The following R3HCC1L variants were observed in gnomAD, a reference collection of about 807,000 sequenced individuals.
R3HCC1L encodes the protein R3H domain and coiled-coil containing 1 like, also known as coiled-coil domain-containing protein R3HCC1L.
Under a neutral mutation model 59.9 loss-of-function variants are expected in R3HCC1L, and 51 were observed. The ratio of observed to expected loss-of-function variants is 0.85; its 90% CI spans 0.68 to 1.07. The LOEUF (loss-of-function observed/expected upper bound fraction) is 1.07, where lower values mean the gene tolerates loss of function less well. R3HCC1L is among the 50% of genes least tolerant of loss of function. R3HCC1L has a pLI of 0.00. For missense variants in R3HCC1L, 965 were observed against 933.0 expected (o/e 1.03, Z -0.45); for synonymous variants, 322 against 315.2 (o/e 1.02, Z -0.23).
intron 9 of R3HCC1L, among the ~76,000 whole-genome samples, chr10:98,241,084 A>G (rs1471317762): frequency 6.6e-6 from 1 of 152,146 alleles, no homozygotes; most frequent in Non-Finnish European, 1.5e-5. Flanking sequence ...GATCATATAA[A>G]TATTTAGTAA....
chr10:98,152,017 G>A (rs1429958779), intron 1 of R3HCC1L, among the ~76,000 whole-genome samples: 1 of 152,148 alleles, frequency 6.6e-6, no homozygotes, highest in Non-Finnish European at 1.5e-5. Context: ...AAGCTGGACT[G>A]TACTGCTGCC....
chr10:98,186,189 G>A (rs906687666), intron 4 of R3HCC1L, among the ~76,000 whole-genome samples: 23 of 152,154 alleles, frequency 1.5e-4, no homozygotes, highest in African/African-American at 5.5e-4. Context: ...TGAGGCCGTG[G>A]AGGTAAGTCA....
chr10:98,160,085 A>G (rs1404283286), intron 2 of R3HCC1L, among the ~76,000 whole-genome samples: 1 of 152,250 alleles, frequency 6.6e-6, no homozygotes, highest in Non-Finnish European at 1.5e-5. Context: ...TCTGTTTTCC[A>G]ACAATGAGAA....
intron 4 of R3HCC1L, among the ~76,000 whole-genome samples, chr10:98,198,878 T>C (rs1007499700): frequency 3.3e-5 from 5 of 152,138 alleles, no homozygotes; most frequent in African/African-American, 1.2e-4. Context: ...TAGAATTATT[T>C]AATGTGGACC....
chr10:98,230,134 T>G (rs374782082), intron 5 of R3HCC1L, among the ~76,000 whole-genome samples: 2 of 152,234 alleles, frequency 1.3e-5, no homozygotes, highest in Admixed American at 6.5e-5. Flanking sequence ...TTCTATTGAT[T>G]GGAATAGTTT....
At chr10:98,186,509 C>G in intron 4 of R3HCC1L, 2 of 983,542 alleles carry the variant, frequency 2.0e-6, no homozygotes, top group Non-Finnish European at 2.4e-6. Context: ...TTACATAAAC[C>G]TTTAGAACTT....
At chr10:98,191,471 C>G (rs1850837986) in intron 4 of R3HCC1L, among the ~76,000 whole-genome samples, 1 of 144,524 alleles carries the variant, frequency 6.9e-6, no homozygotes, top group Admixed American at 6.9e-5. Context: ...AGTGTCTGTT[C>G]ATATCCTTTG....
At chr10:98,161,956 T>C (rs1407522959) in intron 2 of R3HCC1L, among the ~76,000 whole-genome samples, 2 of 152,204 alleles carry the variant, frequency 1.3e-5, no homozygotes, top group African/African-American at 4.8e-5. Context: ...TAAATTAACA[T>C]GGAAGACTGA....
At chr10:98,148,433 GT>G (rs1442539137) in intron 1 of R3HCC1L, among the ~76,000 whole-genome samples, 1 of 152,120 alleles carries the variant, frequency 6.6e-6, no homozygotes, top group African/African-American at 2.4e-5. Context: ...TTGAATAAAA[GT>G]GGTAAATGTG....
At chr10:98,212,068 T>A (rs1348423371) in intron 5 of R3HCC1L, among the ~76,000 whole-genome samples, 1 of 152,062 alleles carries the variant, frequency 6.6e-6, no homozygotes, top group Non-Finnish European at 1.5e-5. Flanking sequence ...AGGGTCTGTG[T>A]TGAGGAATGA....
intron 4 of R3HCC1L, among the ~76,000 whole-genome samples, chr10:98,169,753 GA>G: frequency 6.6e-6 from 1 of 152,324 alleles, no homozygotes; most frequent in East Asian, 1.9e-4. Context: ...CTTTGCAAAT[GA>G]GTGTACAAAA....
At position 98,209,866 on chromosome 10, in the gene R3HCC1L, T is replaced by C. The variant is rs748105565; in HGVS notation, c.1752T>C (p.Asp584=). Residue 584 remains aspartate (D), a synonymous_variant, in exon 5 of 10, where the codon GAT becomes GAC. Coordinates refer to ENST00000298999, the MANE Select transcript of R3HCC1L (RefSeq NM_001351015.2). ...GCTGGGAGTCTATGTTTAACGATGATGGTGACTGCCTGGATCCACGTCTTC... is the reference window on the plus strand; with the variant it reads ...GCTGGGAGTCTATGTTTAACGATGACGGTGACTGCCTGGATCCACGTCTTC... The part of the protein sequence containing the change: ...EESWESMFND[D]GDCLDPRLLQ... The C allele has an allele frequency of 8.7e-6, 14 of 1,613,292 alleles. No homozygotes were observed. Among genetic ancestry groups the C allele is most frequent in the Non-Finnish European group, 1.2e-5 (14 of 1,179,498 alleles).
At chr10:98,188,965 A>G (rs1385737292) in intron 4 of R3HCC1L, among the ~76,000 whole-genome samples, 1 of 152,188 alleles carries the variant, frequency 6.6e-6, no homozygotes, top group Non-Finnish European at 1.5e-5. Context: ...AAATGTTACT[A>G]TTTTGAACAT....
intron 2 of R3HCC1L, among the ~76,000 whole-genome samples, chr10:98,159,981 CTT>C (rs995625406): frequency 6.6e-6 from 1 of 152,192 alleles, no homozygotes; most frequent in Non-Finnish European, 1.5e-5. Context: ...ACTAGTACAT[CTT>C]TATTAAAAGC....
intron 1 of R3HCC1L, among the ~76,000 whole-genome samples, chr10:98,153,240 G>T (rs1220636010): frequency 6.6e-6 from 1 of 152,174 alleles, no homozygotes; most frequent in Non-Finnish European, 1.5e-5. Flanking sequence ...AAGTAGACAT[G>T]GGAGACTTCA....
intron 1 of R3HCC1L, among the ~76,000 whole-genome samples, chr10:98,135,887 A>C (rs1844525729): frequency 6.6e-6 from 1 of 152,226 alleles, no homozygotes; most frequent in Non-Finnish European, 1.5e-5. Context: ...CTTGTGTCAC[A>C]GTTGAAATTC....
At chr10:98,135,965 G>A (rs577029384) in intron 1 of R3HCC1L, among the ~76,000 whole-genome samples, 142 of 150,442 alleles carry the variant, frequency 9.4e-4, no homozygotes, top group Non-Finnish European at 1.8e-3. Flanking sequence ...GACTAAGCAA[G>A]TTGCTTATTG....
chr10:98,200,421 A>T (rs898589578), intron 4 of R3HCC1L, among the ~76,000 whole-genome samples: 1 of 152,134 alleles, frequency 6.6e-6, no homozygotes, highest in African/African-American at 2.4e-5. Flanking sequence ...AACTTAAGGG[A>T]TTCAATGTCC....
intron 5 of R3HCC1L, among the ~76,000 whole-genome samples, chr10:98,221,772 G>A (rs1243430610): frequency 6.6e-6 from 1 of 152,152 alleles, no homozygotes; most frequent in African/African-American, 2.4e-5. Context: ...TGCTGTTTTG[G>A]TTACTGTAGC....
Sources: gnomAD v4.1 joint callset for allele counts (sites outside exome capture counted in the v4.1 genomes callset) on GRCh38, gnomAD v4.1.1 for gene constraint, MANE v1.5 for transcripts, NCBI Gene and HGNC (gene_info 2026-07-23, HGNC 2026-07-21) for gene names.